KHDRBS2: variants seen among roughly 807,000 people sequenced by gnomAD.
KHDRBS2 encodes the protein KH RNA binding domain containing, signal transduction associated 2.
Under a neutral mutation model 44.3 loss-of-function variants are expected in KHDRBS2, and 26 were observed. The ratio of observed to expected loss-of-function variants is 0.59; its 90% CI spans 0.43 to 0.81. The LOEUF is 0.81. Ranked by LOEUF, KHDRBS2 falls within the 40% of genes least tolerant of loss-of-function variation. The probability of loss-of-function intolerance (pLI) is 0.00; values close to 1 mark genes in which losing one functional copy is unlikely to be tolerated. For synonymous variants in KHDRBS2, 194 were observed against 151.1 expected (o/e 1.28, Z -2.08); for missense variants, 476 against 433.1 (o/e 1.10, Z -0.88).
chr6:61,757,852 TAACGA>T (rs1189832951), intron 6 of KHDRBS2, among the ~76,000 whole-genome samples: 1 of 152,176 alleles, frequency 6.6e-6, no homozygotes, highest in Non-Finnish European at 1.5e-5. Flanking sequence ...GTCCCATTAA[TAACGA>T]AAGGTGTTTT....
At chr6:62,120,789 C>T (rs1022651654) in intron 2 of KHDRBS2, among the ~76,000 whole-genome samples, 1 of 152,122 alleles carries the variant, frequency 6.6e-6, no homozygotes, top group Non-Finnish European at 1.5e-5. Context: ...AGTTTACAGA[C>T]CCAGAACCCC....
rs1385654696 is a variant in KHDRBS2, at chr6:61,954,870, A to T, written c.483+23196T>A. ...CATATGCATGTGTATATACACATAC[A>T]TATGTGTATATATGTATATATACAC... On this transcript the variant is annotated intron_variant, in intron 4 of 8. Coordinates refer to ENST00000281156, the MANE Select transcript of KHDRBS2 (RefSeq NM_152688.4). Among the ~76,000 whole-genome samples, 2 of 83,544 alleles carry T rather than the reference A, an allele frequency of 2.4e-5. 1 individual carries two copies. 54.8% of individuals were successfully genotyped at this position (83,544 alleles called of 152,430 possible). A position where few individuals can be genotyped will look rare whatever the true frequency, so the allele number is the denominator to read the frequency against.
intron 6 of KHDRBS2, among the ~76,000 whole-genome samples, chr6:61,781,120 A>G (rs1213529404): frequency 2.0e-5 from 3 of 152,190 alleles, no homozygotes; most frequent in African/African-American, 4.8e-5. Flanking sequence ...TCATTTTTAC[A>G]TAATGCAATT....
intron 6 of KHDRBS2, among the ~76,000 whole-genome samples, chr6:61,749,946 A>C (rs1354268800): frequency 6.6e-6 from 1 of 152,124 alleles, no homozygotes. Flanking sequence ...TATATTTGTT[A>C]TTGTTTTCTT....
intron 6 of KHDRBS2, among the ~76,000 whole-genome samples, chr6:61,855,584 A>T (rs1173521041): frequency 1.3e-5 from 2 of 151,432 alleles, no homozygotes; most frequent in Non-Finnish European, 2.9e-5. Flanking sequence ...TGATGATTCT[A>T]GGCACACTGC....
At chr6:61,931,492 C>T (rs1400515191) in intron 4 of KHDRBS2, among the ~76,000 whole-genome samples, 1 of 151,940 alleles carries the variant, frequency 6.6e-6, no homozygotes, top group Non-Finnish European at 1.5e-5. Context: ...TAATCCTTAA[C>T]ACTTGATAAC....
chr6:61,977,960 T>G (rs1430474780), intron 4 of KHDRBS2, 106 bp downstream of exon 4: 1 of 935,344 alleles, frequency 1.1e-6, no homozygotes, highest in Non-Finnish European at 1.6e-6. Context: ...GATAGATCAT[T>G]GGTTTGCAAT....
the KHDRBS2 span, among the ~76,000 whole-genome samples, chr6:61,609,009 G>A: frequency 3.4e-4 from 51 of 152,134 alleles, no homozygotes; most frequent in Non-Finnish European, 5.9e-4. Context: ...TGGAGGAATC[G>A]CCACACTGTC....
At chr6:61,813,234 T>C (rs767732990) in intron 6 of KHDRBS2, among the ~76,000 whole-genome samples, 2 of 152,104 alleles carry the variant, frequency 1.3e-5, no homozygotes, top group Non-Finnish European at 2.9e-5. Context: ...ATGAGAAAGT[T>C]AGAGTTGGTT....
At chr6:62,044,534 A>G (rs1787252939) in intron 3 of KHDRBS2, among the ~76,000 whole-genome samples, 1 of 151,984 alleles carries the variant, frequency 6.6e-6, no homozygotes. Flanking sequence ...AAAAAGACAT[A>G]CATTTTGTAG....
the KHDRBS2 span, among the ~76,000 whole-genome samples, chr6:61,555,995 T>G: frequency 2.0e-5 from 3 of 152,216 alleles, no homozygotes; most frequent in Non-Finnish European, 4.4e-5. Context: ...CATGCTCGTT[T>G]GCACATGCCA....
intron 2 of KHDRBS2, among the ~76,000 whole-genome samples, chr6:62,149,880 T>C (rs1814734139): frequency 6.6e-6 from 1 of 152,200 alleles, no homozygotes; most frequent in African/African-American, 2.4e-5. Context: ...TCCAATCTTT[T>C]ACATTTAAAA....
intron 1 of KHDRBS2, among the ~76,000 whole-genome samples, chr6:62,245,604 T>C (rs1263029613): frequency 6.6e-6 from 1 of 152,102 alleles, no homozygotes; most frequent in Non-Finnish European, 1.5e-5. Flanking sequence ...TAATATAAAA[T>C]AGGATAAATT....
chr6:62,076,701 T>C (rs1429559638), intron 2 of KHDRBS2, among the ~76,000 whole-genome samples: 2 of 152,040 alleles, frequency 1.3e-5, no homozygotes, highest in African/African-American at 4.8e-5. Flanking sequence ...CATGTCTCCA[T>C]GTCCTGACAC....
chr6:62,126,844 A>G (rs1809094666), intron 2 of KHDRBS2, among the ~76,000 whole-genome samples: 1 of 152,170 alleles, frequency 6.6e-6, no homozygotes, highest in East Asian at 1.9e-4. Context: ...GAAACTTCCC[A>G]ACTTCAGTTT....
intron 3 of KHDRBS2, among the ~76,000 whole-genome samples, chr6:62,042,397 T>C (rs1191831501): frequency 6.6e-6 from 1 of 152,150 alleles, no homozygotes; most frequent in Non-Finnish European, 1.5e-5. Context: ...AGAAATGTTG[T>C]TGATCTACTG....
intron 2 of KHDRBS2, among the ~76,000 whole-genome samples, chr6:62,140,156 A>C (rs1812485507): frequency 6.6e-6 from 1 of 152,144 alleles, no homozygotes; most frequent in African/African-American, 2.4e-5. Context: ...AAAAATTCCA[A>C]ATTTCTTAGC....
the KHDRBS2 span, among the ~76,000 whole-genome samples, chr6:61,592,893 G>C: frequency 6.6e-6 from 1 of 152,130 alleles, no homozygotes; most frequent in Admixed American, 6.5e-5. Context: ...TTAAATAGTT[G>C]AGTCTCATTC....
chr6:61,994,972 A>G (rs1231545705), intron 3 of KHDRBS2, among the ~76,000 whole-genome samples: 1 of 152,124 alleles, frequency 6.6e-6, no homozygotes, highest in Non-Finnish European at 1.5e-5. Context: ...GAATAGAAAG[A>G]AAGCCCGCGT....
Sources: allele counts gnomAD v4.1 joint callset (sites outside exome capture counted in the v4.1 genomes callset), GRCh38; gene constraint gnomAD v4.1.1; transcripts MANE v1.5; gene names NCBI Gene and HGNC (gene_info 2026-07-23, HGNC 2026-07-21).